TCERG1: variants seen among roughly 807,000 people sequenced by gnomAD.
TCERG1 encodes transcription elongation regulator 1, also known as TATA box binding protein (TBP)-associated factor, RNA polymerase II, S, 150kD.
Under a neutral mutation model 144.7 loss-of-function variants are expected in TCERG1, and 37 were observed. The observed-to-expected ratio is 0.26, with a 90% CI of 0.20 to 0.34. TCERG1 has a LOEUF of 0.34. Among genes scored for constraint, TCERG1 ranks in the 10% least tolerant of loss-of-function variants. The probability of loss-of-function intolerance (pLI) is 1.00; values close to 1 mark genes in which losing one functional copy is unlikely to be tolerated. For synonymous variants in TCERG1, 492 were observed against 458.2 expected (o/e 1.07, Z -0.94); for missense variants, 1,027 against 1,380.7 (o/e 0.74, Z 4.06).
intron 1 of TCERG1, among the ~76,000 whole-genome samples, chr5:146,447,740 A>G (rs1761998658): frequency 1.3e-5 from 2 of 152,072 alleles, no homozygotes; most frequent in African/African-American, 4.8e-5. Flanking sequence ...GTCTCGGCCG[A>G]CCTGAGTCTG....
rs762655412 is a variant in TCERG1, at chr5:146,468,429, G to GT, written c.1198+30dup. 1.9e-6 allele frequency: 3 copies of GT among 1,603,724 alleles called. No individual in the cohort carries two copies. The South Asian group carries it at 3.3e-5, about 18-fold the overall frequency. On this transcript the variant is annotated intron_variant, in intron 6 of 22. Transcript: ENST00000679501. The stretch of plus-strand genomic sequence containing the variant: ...GTAATTTTTAAAACCATCTTAGTTT[G>GT]TTTTGTCTGTAAGTTGGCATGGTAG...
rs1767666818 is a variant in TCERG1, at chr5:146,503,494, A to C, written c.2553A>C (p.Ser851=). The C allele has an allele frequency of 6.2e-7, 1 of 1,613,996 alleles. No individual in the cohort carries two copies. Among genetic ancestry groups the C allele is most frequent in the East Asian group, 2.2e-5 (1 of 44,820 alleles). ...DPRYKAVDSS[S]MREDLFKQYI... ...GTTACAAAGCAGTAGATAGTTCATC[A>C]ATGAGAGAAGACCTTTTCAAACAGT... The change falls in exon 18 of 23, where the codon TCA becomes TCC. Residue 851 remains serine (S), a synonymous_variant. Transcript: ENST00000679501.
chr5:146,497,921 C>G (rs1767080196), intron 16 of TCERG1, among the ~76,000 whole-genome samples: 1 of 152,154 alleles, frequency 6.6e-6, no homozygotes, highest in African/African-American at 2.4e-5. Context: ...TAGCTGTGGA[C>G]TCATGGGTAA....
intron 1 of TCERG1, among the ~76,000 whole-genome samples, chr5:146,454,527 C>G (rs1334130368): frequency 6.6e-6 from 1 of 151,794 alleles, no homozygotes; most frequent in East Asian, 1.9e-4. Flanking sequence ...GACTCGGCAT[C>G]CATTGATCAT....
chr5:146,471,598 TA>T (rs1764304632), intron 9 of TCERG1, 22 bp downstream of exon 9: 1 of 1,578,462 alleles, frequency 6.3e-7, no homozygotes, highest in Admixed American at 1.8e-5. Context: ...GCTCAAGTAG[TA>T]ATTTTTTTTT....
chr5:146,475,329 G>A (rs781005152), intron 9 of TCERG1, among the ~76,000 whole-genome samples: 48 of 152,120 alleles, frequency 3.2e-4, no homozygotes, highest in Non-Finnish European at 4.6e-4. Context: ...GTTCATAAGT[G>A]ATGATTATTA....
chr5:146,447,368 G>T lies in TCERG1; in HGVS notation c.19G>T (p.Asp7Tyr), dbSNP rs763351127. 1.2e-6 allele frequency: 2 copies of T among 1,611,836 alleles called. No individual in the cohort carries two copies. The stretch of plus-strand genomic sequence containing the variant: ...CTCTGTAATGGCGGAGCGTGGCGGG[G>T]ACGGGGGCGAGAGTGAACGATTCAA... Reference protein sequence around the residue: MAERGGDGGESERFNPG... With the variant: MAERGGYGGESERFNPG... The change falls in exon 1 of 23, where the codon GAC (aspartate) becomes TAC (tyrosine). Residue 7 changes from aspartate to tyrosine, a missense_variant. Around this residue, in one of 6 missense-constraint regions of TCERG1, gnomAD observed 175 missense variants for 197.0 expected, o/e 0.89. Coordinates refer to ENST00000679501, the MANE Select transcript of TCERG1 (RefSeq NM_001382548.1).
At chr5:146,504,036 T>C (rs1206275540) in intron 19 of TCERG1, 30 bp downstream of exon 19, 1 of 1,471,702 alleles carries the variant, frequency 6.8e-7, no homozygotes, top group Non-Finnish European at 9.0e-7. Context: ...TTTTTTTCTC[T>C]AAAGTACTGG....
At chr5:146,501,110 T>C (rs1234273401) in intron 17 of TCERG1, among the ~76,000 whole-genome samples, 1 of 152,214 alleles carries the variant, frequency 6.6e-6, no homozygotes, top group Non-Finnish European at 1.5e-5. Context: ...TTTATAAAAT[T>C]GTGGTTCAAA....
chr5:146,468,129 A>T (rs1192011237), intron 5 of TCERG1, among the ~76,000 whole-genome samples: 1 of 152,200 alleles, frequency 6.6e-6, no homozygotes, highest in African/African-American at 2.4e-5. Flanking sequence ...TTTGATAAAA[A>T]GGTAATTGAT....
intron 15 of TCERG1, among the ~76,000 whole-genome samples, chr5:146,491,628 C>G (rs12514801): frequency 0.54 from 81,417 of 151,990 alleles, 23,815 homozygotes; most frequent in Non-Finnish European, 0.65. Context: ...CTAACTGTGT[C>G]TTAGTATTTG....
chr5:146,457,218 GCCT>G lies in TCERG1; in HGVS notation c.330_332del (p.Pro111del). On this transcript the variant is annotated inframe_deletion, in exon 3 of 23. Coordinates refer to ENST00000679501, the MANE Select transcript of TCERG1 (RefSeq NM_001382548.1). ...TCATGCCTCCTCCCATGAGTTCCAT[GCCT>G]CCTCCTCCGGGTATGATGTTTCCAC... 6.2e-7 allele frequency: 1 copy of G among 1,614,074 alleles called. No homozygotes were observed. Among genetic ancestry groups the G allele is most frequent in the Non-Finnish European group, 8.5e-7 (1 of 1,179,936 alleles).
At chr5:146,503,792 TAAG>T in intron 18 of TCERG1, 29 bp from the exon 19 acceptor site, 1 of 1,551,344 alleles carries the variant, frequency 6.4e-7, no homozygotes, top group Non-Finnish European at 8.7e-7. Flanking sequence ...ATGGAGTTGG[TAAG>T]AAGGATAATG....
At chr5:146,493,918 A>C (rs939981459) in intron 16 of TCERG1, among the ~76,000 whole-genome samples, 3 of 152,098 alleles carry the variant, frequency 2.0e-5, no homozygotes, top group African/African-American at 7.2e-5. Flanking sequence ...ACTTATTATA[A>C]ACGTTCATCT....
intron 1 of TCERG1, among the ~76,000 whole-genome samples, chr5:146,452,067 C>G (rs1762405065): frequency 6.6e-6 from 1 of 152,052 alleles, no homozygotes; most frequent in Non-Finnish European, 1.5e-5. Flanking sequence ...AGATTACAGG[C>G]ATGAGCCACT....
rs539721607 is a variant in TCERG1 at position 146,511,046 on chromosome 5, AT to A, written c.*416del. 156 of 148,732 alleles carry A rather than the reference AT, an allele frequency of 1.0e-3. No homozygotes were observed. Among genetic ancestry groups the A allele is most frequent in the Middle Eastern group, 3.4e-3 (1 of 290 alleles). 9.2% of individuals were successfully genotyped at this position (148,732 alleles called of 1,614,324 possible). Reference sequence around the variant, plus strand: ...CCGAGTTGGGGTTTGTTTTGTTTTGATTTTTTTTTTTTAAAGCGGGTAAAAG... The same window carrying A: ...CCGAGTTGGGGTTTGTTTTGTTTTGATTTTTTTTTTTAAAGCGGGTAAAAG... On this transcript the variant is annotated 3_prime_UTR_variant, in exon 23 of 23. Coordinates refer to ENST00000679501, the MANE Select transcript of TCERG1 (RefSeq NM_001382548.1).
intron 1 of TCERG1, among the ~76,000 whole-genome samples, chr5:146,450,336 C>T (rs565473860): frequency 1.3e-5 from 2 of 152,106 alleles, no homozygotes; most frequent in South Asian, 2.1e-4. Flanking sequence ...AGAACATGCT[C>T]GGCAAAGAGA....
intron 18 of TCERG1, 91 bp from the exon 19 acceptor site, chr5:146,503,733 T>C: frequency 6.8e-7 from 1 of 1,469,564 alleles, no homozygotes. Context: ...AAAACTAGAT[T>C]TGGAATTTTT....
intron 15 of TCERG1, among the ~76,000 whole-genome samples, chr5:146,487,146 C>G (rs1460231570): frequency 6.6e-6 from 1 of 151,740 alleles, no homozygotes; most frequent in Non-Finnish European, 1.5e-5. Flanking sequence ...ATATCCAAAA[C>G]AATAGTGTTT....
Sources: gnomAD v4.1 joint callset for allele counts (sites outside exome capture counted in the v4.1 genomes callset) on GRCh38, gnomAD v4.1.1 for gene constraint, gnomAD v4.1.1 regional missense constraint, MANE v1.5 for transcripts, NCBI Gene and HGNC (gene_info 2026-07-23, HGNC 2026-07-21) for gene names.